MIA2: variants seen among roughly 807,000 people sequenced by gnomAD.
The protein encoded by MIA2 is melanoma inhibitory activity protein 2.
Under a neutral mutation model 167.8 loss-of-function variants are expected in MIA2, and 127 were observed. The ratio of observed to expected loss-of-function variants is 0.76; its 90% confidence interval spans 0.66 to 0.88. MIA2 has a LOEUF of 0.88. Among genes scored for constraint, MIA2 ranks in the 40% least tolerant of loss-of-function variants. MIA2 has a pLI of 0.00. For missense variants in MIA2, 1,690 were observed against 1,624.7 expected (o/e 1.04, Z -0.69); for synonymous variants, 552 against 541.9 (o/e 1.02, Z -0.26).
intron 4 of MIA2, among the ~76,000 whole-genome samples, chr14:39,251,195 T>C (rs1171956664): frequency 1.3e-5 from 2 of 152,122 alleles, no homozygotes; most frequent in Admixed American, 6.6e-5. Flanking sequence ...ACCACATTTA[T>C]AGAAAACTAA....
intron 14 of MIA2, among the ~76,000 whole-genome samples, chr14:39,301,039 TACACACACACACACACACACACACAC>T (rs58641218): frequency 6.9e-6 from 1 of 145,152 alleles, no homozygotes; most frequent in Non-Finnish European, 1.5e-5. Flanking sequence ...TACATATACA[TACACACACACACACACACACACACAC>T]ACACACACAC....
intron 6 of MIA2, chr14:39,267,638 A>G (rs2056159559): frequency 1.6e-6 from 2 of 1,214,940 alleles, no homozygotes; most frequent in East Asian, 2.6e-5. Flanking sequence ...TCCCGAAGCC[A>G]GTCCTCGTCT....
intron 25 of MIA2, among the ~76,000 whole-genome samples, chr14:39,343,375 G>A (rs2072466105): frequency 6.6e-6 from 1 of 152,118 alleles, no homozygotes; most frequent in South Asian, 2.1e-4. Flanking sequence ...TTGAACTCTT[G>A]GCCTCAAGCA....
At position 39,313,401 on chromosome 14, in the gene MIA2, G is replaced by T; in HGVS notation, c.3079G>T (p.Glu1027Ter). The T allele has an allele frequency of 6.2e-7, 1 of 1,604,008 alleles. No homozygotes were observed. The highest frequency in any genetic ancestry group is 1.1e-5 in the South Asian group (1 of 88,896). The change falls in exon 19 of 29, where the codon GAA becomes TAA. Residue 1027 changes from glutamate (E) to a stop codon, truncating the protein, a stop_gained. Coordinates refer to ENST00000640607, the MANE Select transcript of MIA2 (RefSeq NM_001329214.4). LOFTEE classifies it high-confidence loss of function. ...AGAAGAGAAACTTTCTAAAGTAGAT[G>T]AAAAGATCAGCCATGCCACTGAAGA... ...EKEEKLSKVDEKISHATEELE... is the reference protein window; with the variant it reads ...EKEEKLSKVD
chr14:39,288,193 G>A (rs1257654705), intron 9 of MIA2, among the ~76,000 whole-genome samples: 3 of 151,794 alleles, frequency 2.0e-5, no homozygotes, highest in African/African-American at 4.8e-5. Context: ...TGGACGTGAG[G>A]GTGTGTGCCT....
chr14:39,275,920 A>C (rs1012233329), intron 6 of MIA2, among the ~76,000 whole-genome samples: 3 of 152,148 alleles, frequency 2.0e-5, no homozygotes, highest in Non-Finnish European at 2.9e-5. Context: ...GAAGGAGTAC[A>C]TATTTGGATT....
intron 7 of MIA2, 112 bp from the exon 8 acceptor site, chr14:39,279,225 T>C (rs2058584570): frequency 1.2e-6 from 1 of 852,932 alleles, no homozygotes; most frequent in Non-Finnish European, 1.9e-6. Context: ...CTTGTATTTA[T>C]ACAAAGGCAA....
At chr14:39,322,389 A>G (rs561795213) in intron 24 of MIA2, among the ~76,000 whole-genome samples, 186 of 152,126 alleles carry the variant, frequency 1.2e-3, no homozygotes, top group Middle Eastern at 3.4e-3. Flanking sequence ...AAAAATACAG[A>G]AATCAGCTGG....
Position 39,326,848 on chromosome 14 carries a change from T to G in MIA2, c.3497-16T>G. 1 of 1,562,394 alleles carries G rather than the reference T, an allele frequency of 6.4e-7. No homozygotes were observed. The highest frequency in any genetic ancestry group is 1.2e-5 in the South Asian group (1 of 80,626). On this transcript the variant is annotated splice_polypyrimidine_tract_variant and intron_variant, in intron 24 of 28. Transcript: ENST00000640607. ...TAAGATGAAACAGATTTGTATGTTT[T>G]TTTTTCTTTAATTAGGCTCACGAGG...
chr14:39,382,421 A>T (rs1340427037), intron 23 of MIA2, among the ~76,000 whole-genome samples: 1 of 152,162 alleles, frequency 6.6e-6, no homozygotes, highest in Non-Finnish European at 1.5e-5. Context: ...ACCAATGCAG[A>T]AGTTTGTTTT....
intron 9 of MIA2, among the ~76,000 whole-genome samples, chr14:39,281,619 GTT>G (rs549847071): frequency 2.4e-4 from 32 of 133,264 alleles, no homozygotes; most frequent in African/African-American, 6.0e-4. Flanking sequence ...TTTTGTTTTG[GTT>G]TTTTTTTTTT....
intron 6 of MIA2, chr14:39,267,460 A>G (rs202175054): frequency 9.3e-6 from 15 of 1,612,482 alleles, no homozygotes; most frequent in Non-Finnish European, 1.3e-5. Context: ...CTTTGGCGCT[A>G]TGGAGGAGCC....
chr14:39,247,726 A>G lies in MIA2; in HGVS notation c.1152A>G (p.Ile384Met), dbSNP rs778555346. Residue 384 changes from isoleucine (I) to methionine (M), a missense_variant, in exon 4 of 29, where the codon ATA becomes ATG. Physicochemically the swap from Ile to Met is conservative, Grantham distance 10. Transcript: ENST00000640607. ...GTTGGTTTGATTTTGGTTTTGCTAT[A>G]CTAGGCTTTGCATATGCCAAGGAAG... is the stretch of plus-strand genomic sequence containing the variant. ...KPSWFDFGFA[I>M]LGFAYAKEDK... The G allele has an allele frequency of 2.5e-6, 4 of 1,612,942 alleles. No individual in the cohort carries two copies. The Admixed American group carries it at 5.0e-5, about 20-fold the overall frequency.
chr14:39,249,842 A>T (rs760426427), intron 4 of MIA2, among the ~76,000 whole-genome samples: 2 of 152,222 alleles, frequency 1.3e-5, no homozygotes, highest in African/African-American at 4.8e-5. Flanking sequence ...CAAACTCAGA[A>T]GGAAACACAT....
At chr14:39,289,665 T>C (rs1024629892) in intron 9 of MIA2, among the ~76,000 whole-genome samples, 5 of 152,218 alleles carry the variant, frequency 3.3e-5, no homozygotes, top group African/African-American at 1.2e-4. Context: ...TATTTTGTTG[T>C]AGAGATGGGA....
intron 23 of MIA2, among the ~76,000 whole-genome samples, chr14:39,374,432 T>C (rs1345081120): frequency 2.0e-5 from 3 of 152,300 alleles, no homozygotes; most frequent in African/African-American, 7.2e-5. Context: ...TAACACATGG[T>C]AAATGTTCAA....
intron 23 of MIA2, chr14:39,370,654 G>A (rs2074920764): frequency 1.0e-5 from 3 of 296,818 alleles, no homozygotes; most frequent in East Asian, 1.2e-4. Flanking sequence ...CGAGTCTGTC[G>A]CACGTGCTGC....
rs201435000 is a variant in MIA2 at position 39,265,430 on chromosome 14, A to G, written c.1888-11504A>G. On this transcript the variant is annotated intron_variant, in intron 6 of 28. Transcript: ENST00000640607. The stretch of plus-strand genomic sequence containing the variant: ...AAAGTCCAGAGGAAGAGGTGAGTTT[A>G]TAACTATTAAGCATACTGAAACAAA... 6.9e-4 allele frequency: 1,109 copies of G among 1,608,428 alleles called. 16 individuals carry two copies. In the South Asian group the frequency reaches 0.011, roughly 16 times the overall value.
intron 24 of MIA2, among the ~76,000 whole-genome samples, chr14:39,323,336 A>G (rs900622669): frequency 1.3e-5 from 2 of 151,996 alleles, no homozygotes; most frequent in African/African-American, 2.4e-5. Context: ...GGACTGCCCT[A>G]TAGACTGATA....
Sources: gnomAD v4.1 joint callset for allele counts (sites outside exome capture counted in the v4.1 genomes callset) on GRCh38, gnomAD v4.1.1 for gene constraint, MANE v1.5 for transcripts, NCBI Gene and HGNC (gene_info 2026-07-23, HGNC 2026-07-21) for gene names.